The following GAS7 variants were observed in gnomAD, a reference collection of about 807,000 sequenced individuals.
GAS7 encodes growth arrest specific 7.
A neutral mutation model predicts 71.1 loss-of-function variants in GAS7; 28 were observed. The observed-to-expected ratio is 0.39, with a 90% CI of 0.29 to 0.54. The LOEUF (loss-of-function observed/expected upper bound fraction) is 0.54, where lower values mean the gene tolerates loss of function less well. GAS7 is among the 20% of genes least tolerant of loss of function. The pLI is 0.62. For missense variants in GAS7, 436 were observed against 627.8 expected (o/e 0.69, Z 3.27); for synonymous variants, 258 against 245.8 (o/e 1.05, Z -0.46).
At chr17:10,031,833 G>A (rs1025874870) in intron 1 of GAS7, among the ~76,000 whole-genome samples, 3 of 152,188 alleles carry the variant, frequency 2.0e-5, no homozygotes, top group Non-Finnish European at 2.9e-5. Flanking sequence ...TCTGAGAGAC[G>A]CCCACTCTTC....
At chr17:10,127,925 GCA>G (rs140326736) in intron 1 of GAS7, among the ~76,000 whole-genome samples, 1 of 152,134 alleles carries the variant, frequency 6.6e-6, no homozygotes, top group East Asian at 1.9e-4. Flanking sequence ...TCTCAACGGA[GCA>G]CACACACACA....
At chr17:9,978,470 C>T (rs555095591) in intron 3 of GAS7, among the ~76,000 whole-genome samples, 5 of 150,058 alleles carry the variant, frequency 3.3e-5, no homozygotes, top group African/African-American at 1.2e-4. Flanking sequence ...AGCAATATGG[C>T]AAAACACTGT....
At chr17:10,013,359 C>G (rs2071856382) in intron 2 of GAS7, among the ~76,000 whole-genome samples, 1 of 152,188 alleles carries the variant, frequency 6.6e-6, no homozygotes, top group African/African-American at 2.4e-5. Context: ...TTAACACTAG[C>G]TGAGGTCCCT....
chr17:10,140,864 T>C (rs1002786424), intron 1 of GAS7, among the ~76,000 whole-genome samples: 1 of 152,214 alleles, frequency 6.6e-6, no homozygotes, highest in African/African-American at 2.4e-5. Context: ...GAGTCACTTG[T>C]ATGTGCACAA....
chr17:10,046,594 G>A (rs951837932), intron 1 of GAS7, among the ~76,000 whole-genome samples: 2 of 151,396 alleles, frequency 1.3e-5, no homozygotes, highest in Non-Finnish European at 2.9e-5. Flanking sequence ...AAATTAGCCA[G>A]GCTTGATGGC....
In GAS7 at chr17:10,034,147, G is replaced by T; in HGVS notation, c.184-14250C>A. On this transcript the variant is annotated intron_variant, in intron 1 of 13. Transcript: ENST00000432992. The surrounding 1 kb of genome is among the most constrained non-coding windows in gnomAD (Gnocchi z 4.4). ...GCCACCGTGCGAAGAACACAGGATG[G>T]GAATCGGAGCTGGTAAAGCTGCAGC... The T allele has an allele frequency of 1.0e-6, 1 of 985,136 alleles. No homozygotes were observed. Among genetic ancestry groups the T allele is most frequent in the Non-Finnish European group, 1.2e-6 (1 of 829,720 alleles). 61.0% of individuals were successfully genotyped at this position (985,136 alleles called of 1,614,324 possible). A position where few individuals can be genotyped will look rare whatever the true frequency, so the allele number is the denominator to read the frequency against.
At chr17:10,093,719 T>C (rs1396912332) in intron 1 of GAS7, among the ~76,000 whole-genome samples, 1 of 152,184 alleles carries the variant, frequency 6.6e-6, no homozygotes, top group East Asian at 1.9e-4. Flanking sequence ...AATCCTGCTA[T>C]GAGTATTTCA....
At chr17:9,927,570 G>T (rs1345547315) in intron 9 of GAS7, among the ~76,000 whole-genome samples, 1 of 151,954 alleles carries the variant, frequency 6.6e-6, no homozygotes, top group Non-Finnish European at 1.5e-5. Flanking sequence ...GCACGGCTTT[G>T]TTCTTATGTC....
intron 1 of GAS7, among the ~76,000 whole-genome samples, chr17:10,147,324 G>T (rs749088800): frequency 1.3e-5 from 2 of 152,172 alleles, no homozygotes; most frequent in Admixed American, 6.6e-5. Context: ...TGGGGCTTGG[G>T]TGGGGGCAGA....
intron 1 of GAS7, among the ~76,000 whole-genome samples, chr17:10,092,433 G>A (rs535512327): frequency 1.2e-4 from 18 of 152,296 alleles, no homozygotes; most frequent in African/African-American, 3.8e-4. Context: ...ACCCAAAATA[G>A]AGCCTGACAC....
chr17:10,035,635 T>C lies in GAS7; in HGVS notation c.184-15738A>G, dbSNP rs561405693. On this transcript the variant is annotated intron_variant, in intron 1 of 13. Coordinates refer to ENST00000432992, the MANE Select transcript of GAS7 (RefSeq NM_201433.2). Reference sequence around the variant, plus strand: ...AACAGGCCAGCCTTTCCATGCAACCTGGACCTCTCACAGCTGTACAGAGCC... The same window carrying C: ...AACAGGCCAGCCTTTCCATGCAACCCGGACCTCTCACAGCTGTACAGAGCC... Among the ~76,000 whole-genome samples, 13 of 152,284 alleles carry C rather than the reference T, an allele frequency of 8.5e-5. No individual in the cohort carries two copies. The South Asian group carries it at 1.9e-3, about 22-fold the overall frequency.
intron 2 of GAS7, among the ~76,000 whole-genome samples, chr17:9,988,939 C>A (rs1407984246): frequency 6.6e-6 from 1 of 151,582 alleles, no homozygotes; most frequent in African/African-American, 2.4e-5. Context: ...AGCTCCGCCT[C>A]CCAGGTTCCC....
chr17:10,016,750 A>AT, intron 2 of GAS7, among the ~76,000 whole-genome samples: 1 of 123,156 alleles, frequency 8.1e-6, no homozygotes, highest in Non-Finnish European at 1.7e-5. Context: ...ATCTCTACAA[A>AT]AAATAATAAT....
intron 8 of GAS7, among the ~76,000 whole-genome samples, chr17:9,934,999 C>T (rs1233439494): frequency 6.6e-6 from 1 of 152,308 alleles, no homozygotes; most frequent in East Asian, 1.9e-4. Context: ...GGGGTTACCT[C>T]GGCCTCCCAA....
intron 11 of GAS7, among the ~76,000 whole-genome samples, chr17:9,925,090 C>T (rs1360478265): frequency 6.6e-6 from 1 of 152,168 alleles, no homozygotes; most frequent in Non-Finnish European, 1.5e-5. Context: ...GAGCTGTGTG[C>T]TTCTGTGGGC....
rs578026660 is a variant in GAS7, at chr17:10,022,697, G to A, written c.184-2800C>T. ...TAGGGCAGCGCCTGTCCTGAGGGAT[G>A]CGCAATGAATGGGGTTTTCCACTGG... On this transcript the variant is annotated intron_variant, in intron 1 of 13. Coordinates refer to ENST00000432992, the MANE Select transcript of GAS7 (RefSeq NM_201433.2). 2.0e-4 allele frequency among the ~76,000 whole-genome samples: 31 copies of A among 152,342 alleles called. 1 individual carries two copies. The South Asian group carries it at 3.7e-3, about 18-fold the overall frequency.
At chr17:9,929,249 G>A (rs960833858) in intron 9 of GAS7, among the ~76,000 whole-genome samples, 7 of 152,006 alleles carry the variant, frequency 4.6e-5, no homozygotes, top group African/African-American at 9.7e-5. Context: ...GCTTTAATAC[G>A]CCCAGGAATG....
chr17:9,913,279 T>C lies in GAS7; in HGVS notation c.*3949A>G, dbSNP rs926821360. On this transcript the variant is annotated 3_prime_UTR_variant, in exon 14 of 14. Transcript: ENST00000432992. ...CCAGGCTACGTGGGGGGGCAGCTGA[T>C]CTGTACCCCACTTAACATTAGAAGT... 4 of 232,706 alleles carry C rather than the reference T, an allele frequency of 1.7e-5. No individual in the cohort carries two copies. The highest frequency in any genetic ancestry group is 2.5e-5 in the Non-Finnish European group (3 of 117,650). The allele number at this position is 232,706 out of a possible 1,614,324, so 14.4% of individuals were successfully genotyped here. A position where few individuals can be genotyped will look rare whatever the true frequency, so the allele number is the denominator to read the frequency against.
At chr17:10,165,278 C>A (rs1269882618) in intron 1 of GAS7, among the ~76,000 whole-genome samples, 22 of 125,236 alleles carry the variant, frequency 1.8e-4, no homozygotes, top group Admixed American at 1.7e-3. Flanking sequence ...TGCGACAGAG[C>A]GAGATTCCTT....
Sources: allele counts gnomAD v4.1 joint callset (sites outside exome capture counted in the v4.1 genomes callset), GRCh38; gene constraint gnomAD v4.1.1; non-coding constraint Gnocchi (gnomAD v3.1); transcripts MANE v1.5; gene names NCBI Gene and HGNC (gene_info 2026-07-23, HGNC 2026-07-21).